WWOX: variants seen among roughly 807,000 people sequenced by gnomAD.
The protein encoded by WWOX is WW domain-containing oxidoreductase.
A neutral mutation model predicts 46.2 loss-of-function variants in WWOX; 69 were observed. The ratio of observed to expected loss-of-function variants is 1.49; its 90% CI spans 1.23 to 1.82. The LOEUF is 1.82. Among genes scored for constraint, WWOX ranks in the 40% most tolerant of loss-of-function variants. The pLI is 0.00. For missense variants in WWOX, 919 were observed against 542.6 expected, an observed-to-expected ratio of 1.69 and a Z score of -6.89; for synonymous variants, 359 against 202.6, an observed-to-expected ratio of 1.77 and a Z score of -6.56.
At chr16:79,020,296 A>C (rs1297862658) in intron 8 of WWOX, among the ~76,000 whole-genome samples, 1 of 152,218 alleles carries the variant, frequency 6.6e-6, no homozygotes, top group Non-Finnish European at 1.5e-5. Flanking sequence ...AAGACTTCTT[A>C]GGGAGGTGAC....
intron 6 of WWOX, among the ~76,000 whole-genome samples, chr16:78,411,316 A>G (rs1021696282): frequency 1.3e-5 from 2 of 152,082 alleles, no homozygotes; most frequent in Non-Finnish European, 2.9e-5. Flanking sequence ...GTAATATGCC[A>G]TTGTGTGTTT....
chr16:78,753,422 G>A (rs983531493), intron 8 of WWOX, among the ~76,000 whole-genome samples: 3 of 152,156 alleles, frequency 2.0e-5, no homozygotes, highest in African/African-American at 7.2e-5. Context: ...GGGAGGACCA[G>A]TCACCCCTGT....
intron 8 of WWOX, among the ~76,000 whole-genome samples, chr16:78,751,902 T>A (rs2049489719): frequency 6.6e-6 from 1 of 152,108 alleles, no homozygotes; most frequent in Non-Finnish European, 1.5e-5. Flanking sequence ...GGCAGAGTGG[T>A]CACCCAGATG....
intron 8 of WWOX, among the ~76,000 whole-genome samples, chr16:78,640,731 G>A (rs2046686946): frequency 2.0e-5 from 3 of 152,064 alleles, no homozygotes; most frequent in African/African-American, 7.2e-5. Flanking sequence ...CTGAGCTCAG[G>A]AGTTGAATAC....
At chr16:78,939,663 A>G (rs2045812404) in intron 8 of WWOX, among the ~76,000 whole-genome samples, 1 of 152,264 alleles carries the variant, frequency 6.6e-6, no homozygotes, top group South Asian at 2.1e-4. Context: ...AAAAATTATC[A>G]AAAGGAAGTT....
In WWOX at chr16:78,346,371, C is replaced by T. The variant is rs57552727; in HGVS notation, c.517-40489C>T. On this transcript the variant is annotated intron_variant, in intron 5 of 8. Coordinates refer to ENST00000566780, the MANE Select transcript of WWOX (RefSeq NM_016373.4). ...CCACCGTGAATATTGATGCACTAGT[C>T]TTTGTGTGGACATATATCTGTTTTA... 1.7e-5 allele frequency among the ~76,000 whole-genome samples: 2 copies of T among 120,638 alleles called. 1 individual carries two copies. The highest frequency in any genetic ancestry group is 5.0e-4 in the South Asian group (2 of 3,982). 79.1% of individuals were successfully genotyped at this position (120,638 alleles called of 152,430 possible).
intron 8 of WWOX, among the ~76,000 whole-genome samples, chr16:78,973,030 A>G (rs936400303): frequency 1.3e-5 from 2 of 152,202 alleles, no homozygotes; most frequent in African/African-American, 4.8e-5. Flanking sequence ...TTTTTCCTGC[A>G]GTTGGGACTC....
chr16:78,194,495 G>C (rs888015597), intron 5 of WWOX, among the ~76,000 whole-genome samples: 1 of 150,956 alleles, frequency 6.6e-6, no homozygotes, highest in Non-Finnish European at 1.5e-5. Context: ...TGCTGAGGTG[G>C]GAGAATTGCT....
chr16:79,199,175 G>A (rs144281983), intron 8 of WWOX, among the ~76,000 whole-genome samples: 52 of 152,256 alleles, frequency 3.4e-4, no homozygotes, highest in African/African-American at 1.2e-3. Context: ...CCATCCTCCC[G>A]CCTCAGCCTC....
At chr16:78,725,610 G>C (rs1456667871) in intron 8 of WWOX, among the ~76,000 whole-genome samples, 3 of 151,896 alleles carry the variant, frequency 2.0e-5, no homozygotes, top group African/African-American at 4.8e-5. Flanking sequence ...GCCTCCCAAA[G>C]TCAGGTGTGT....
intron 8 of WWOX, among the ~76,000 whole-genome samples, chr16:78,532,906 A>G (rs1049624037): frequency 1.3e-5 from 2 of 152,180 alleles, no homozygotes; most frequent in African/African-American, 4.8e-5. Context: ...ACCATTTATA[A>G]AACTCTAAGC....
intron 8 of WWOX, among the ~76,000 whole-genome samples, chr16:78,681,135 G>C (rs151261548): frequency 1.3e-5 from 2 of 152,284 alleles, no homozygotes; most frequent in South Asian, 2.1e-4. Context: ...TGTAGTCCCA[G>C]CTACTTTGGA....
At chr16:78,764,597 G>A (rs371289476) in intron 8 of WWOX, among the ~76,000 whole-genome samples, 1 of 142,356 alleles carries the variant, frequency 7.0e-6, no homozygotes, top group Non-Finnish European at 1.5e-5. Context: ...CGTGCCCCGG[G>A]TGGGTTTGGA....
At chr16:78,215,186 C>G (rs1444077596) in intron 5 of WWOX, among the ~76,000 whole-genome samples, 1 of 152,172 alleles carries the variant, frequency 6.6e-6, no homozygotes, top group Non-Finnish European at 1.5e-5. Flanking sequence ...TTTTCTTCCC[C>G]ATATCAAGCA....
At chr16:78,355,323 C>G (rs1202087220) in intron 5 of WWOX, among the ~76,000 whole-genome samples, 2 of 152,068 alleles carry the variant, frequency 1.3e-5, no homozygotes, top group Non-Finnish European at 2.9e-5. Context: ...GTGTATGGTG[C>G]TGGGCGCAGT....
At chr16:78,834,963 A>G (rs60601012) in intron 8 of WWOX, among the ~76,000 whole-genome samples, 1,982 of 152,312 alleles carry the variant, frequency 0.013, 48 homozygotes, top group African/African-American at 0.044. Context: ...GTCAGGAACC[A>G]GACACTGTGC....
At chr16:78,314,687 G>GGTTTTTTTTGTTT (rs2080320021) in intron 5 of WWOX, among the ~76,000 whole-genome samples, 1 of 92,058 alleles carries the variant, frequency 1.1e-5, no homozygotes, top group Non-Finnish European at 1.9e-5. Flanking sequence ...ACCCTGCAGG[G>GGTTTTTTTTGTTT]GTTTTTTTTT....
At chr16:78,457,170 T>A (rs2083840119) in intron 8 of WWOX, among the ~76,000 whole-genome samples, 1 of 152,260 alleles carries the variant, frequency 6.6e-6, no homozygotes, top group African/African-American at 2.4e-5. Flanking sequence ...TTGTTTTGTT[T>A]CTGTTGTCTT....
At chr16:78,425,738 G>C (rs999234016) in intron 7 of WWOX, among the ~76,000 whole-genome samples, 2 of 152,160 alleles carry the variant, frequency 1.3e-5, no homozygotes, top group African/African-American at 4.8e-5. Context: ...CAAAGGCCTT[G>C]CTGGGTGAGG....
Sources: allele counts gnomAD v4.1 joint callset (sites outside exome capture counted in the v4.1 genomes callset), GRCh38; gene constraint gnomAD v4.1.1; transcripts MANE v1.5; gene names NCBI Gene and HGNC (gene_info 2026-07-23, HGNC 2026-07-21).